The following CRAMP1 variants were observed in gnomAD, a reference collection of about 807,000 sequenced individuals.
CRAMP1 encodes the protein protein cramped-like.
Under a neutral mutation model 115.4 loss-of-function variants are expected in CRAMP1, and 50 were observed. That is an observed-to-expected ratio of 0.43 (90% CI 0.35 to 0.55). The LOEUF (loss-of-function observed/expected upper bound fraction) is 0.55, where lower values mean the gene tolerates loss of function less well. CRAMP1 is among the 20% of genes least tolerant of loss of function. The pLI is 0.01. For missense variants in CRAMP1, 1,679 were observed against 1,721.7 expected, an observed-to-expected ratio of 0.98 and a Z score of 0.44; for synonymous variants, 866 against 745.4, an observed-to-expected ratio of 1.16 and a Z score of -2.64.
At position 1,614,826 on chromosome 16, in the gene CRAMP1, C is replaced by T. The variant is rs1596479595; in HGVS notation, c.187C>T (p.Pro63Ser). ...RAGADGPPAP[P>S]GAPQAPSPPQ... ...CGGCGCCGACGGCCCCCCCGCGCCC[C>T]CCGGCGCGCCGCAGGCGCCGTCCCC... The change falls in exon 2 of 21, where the codon CCC becomes TCC. Residue 63 changes from proline (P) to serine (S), a missense_variant. Coordinates refer to ENST00000397412, the MANE Select transcript of CRAMP1 (RefSeq NM_020825.4). The surrounding 1 kb of genome is among the most constrained non-coding windows in gnomAD (Gnocchi z 4.4). 2 of 1,270,728 alleles carry T rather than the reference C, an allele frequency of 1.6e-6. No homozygotes were observed. The highest frequency in any genetic ancestry group is 2.0e-6 in the Non-Finnish European group (2 of 1,012,528). 78.7% of individuals were successfully genotyped at this position (1,270,728 alleles called of 1,614,324 possible).
chr16:1,669,012 C>G lies in CRAMP1; in HGVS notation c.3346C>G (p.Pro1116Ala), dbSNP rs760671014. The change falls in exon 19 of 21, where the codon CCT (proline) becomes GCT (alanine). Residue 1116 changes from proline (P) to alanine (A), a missense_variant. By Grantham distance (27) the Pro-to-Ala change is conservative. Coordinates refer to ENST00000397412, the MANE Select transcript of CRAMP1 (RefSeq NM_020825.4). The surrounding 1 kb of genome is among the most constrained non-coding windows in gnomAD (Gnocchi z 4.6). ...ATCTTGGTTGGCAGGTGAAGGAGTCCCTCTTTCTCCAGCAAAACTGAATGG... is the reference window on the plus strand; with the variant it reads ...ATCTTGGTTGGCAGGTGAAGGAGTCGCTCTTTCTCCAGCAAAACTGAATGG... ...ISSGQYGEGV[P>A]LSPAKLNGSD... 5.6e-6 allele frequency: 9 copies of G among 1,612,718 alleles called. No homozygotes were observed. The African/African-American group carries it at 1.2e-4, about 22-fold the overall frequency.
intron 1 of CRAMP1, among the ~76,000 whole-genome samples, chr16:1,613,904 G>A (rs547427947): frequency 1.3e-5 from 2 of 152,272 alleles, no homozygotes; most frequent in South Asian, 4.1e-4. Context: ...GATTCCCAGA[G>A]ACCCGGAGCT....
Position 1,672,819 on chromosome 16 carries a change from C to T in CRAMP1, c.3646-1062C>T, listed in dbSNP as rs901830854. ...TGCTCATGGGACAAGATCCCGGTGC[C>T]GAGGCCCTCCCGTCCTCCGTCTCCT... On this transcript the variant is annotated intron_variant, in intron 20 of 20. Coordinates refer to ENST00000397412, the MANE Select transcript of CRAMP1 (RefSeq NM_020825.4). The surrounding 1 kb of genome is among the most constrained non-coding windows in gnomAD (Gnocchi z 4.9). Among the ~76,000 whole-genome samples the T allele has an allele frequency of 2.0e-5, 3 of 152,210 alleles. No homozygotes were observed. Among genetic ancestry groups the T allele is most frequent in the Non-Finnish European group, 4.4e-5 (3 of 68,038 alleles).
At chr16:1,652,371 G>T (rs950451199) in intron 6 of CRAMP1, 125 bp from the exon 7 acceptor site, 7 of 737,026 alleles carry the variant, frequency 9.5e-6, no homozygotes, top group African/African-American at 7.2e-5. Flanking sequence ...ACGCGGGCTC[G>T]AGAGGCTGGG....
intron 16 of CRAMP1, 77 bp from the exon 17 acceptor site, chr16:1,667,258 G>A: frequency 8.2e-7 from 1 of 1,214,288 alleles, no homozygotes; most frequent in Non-Finnish European, 1.2e-6. Context: ...CTCTTTTTCT[G>A]GAACTCTGTC....
chr16:1,619,757 G>A lies in CRAMP1; in HGVS notation c.346+4772G>A, dbSNP rs577968175. On this transcript the variant is annotated intron_variant, in intron 2 of 20. Coordinates refer to ENST00000397412, the MANE Select transcript of CRAMP1 (RefSeq NM_020825.4). ...GGACGCTGAGCCTTGCAGGCACTGA[G>A]GGTGGGAGTCCCGGCAGAGAAGGGG... 3.2e-3 allele frequency among the ~76,000 whole-genome samples: 484 copies of A among 152,312 alleles called. 1 individual carries two copies. The highest frequency in any genetic ancestry group is 0.011 in the African/African-American group (460 of 41,572).
chr16:1,644,598 A>G (rs35634282), intron 6 of CRAMP1, among the ~76,000 whole-genome samples: 3,007 of 152,268 alleles, frequency 0.02, 42 homozygotes, highest in Middle Eastern at 0.034. Context: ...GGAAGCGATC[A>G]GGGGCCACAC....
At chr16:1,615,342 T>G (rs553762542) in intron 2 of CRAMP1, among the ~76,000 whole-genome samples, 2 of 152,330 alleles carry the variant, frequency 1.3e-5, no homozygotes. Context: ...ATACCTGCTG[T>G]ATCTCTTTCC....
At chr16:1,641,791 C>T (rs1256771329) in intron 6 of CRAMP1, among the ~76,000 whole-genome samples, 1 of 152,002 alleles carries the variant, frequency 6.6e-6, no homozygotes, top group African/African-American at 2.4e-5. Context: ...CCTGGGGGTT[C>T]CCTGCTTTAC....
In CRAMP1 at chr16:1,675,668, G is replaced by A. The variant is rs1443033126; in HGVS notation, c.*1623G>A. ...CAGGCAGGCCGTGTACTGCACCACT[G>A]GGAGGACGTGGAGAGGACAGTGAAC... On this transcript the variant is annotated 3_prime_UTR_variant, in exon 21 of 21. Transcript: ENST00000397412. The A allele has an allele frequency of 1.3e-5, 2 of 152,288 alleles. No homozygotes were observed. The highest frequency in any genetic ancestry group is 4.8e-5 in the African/African-American group (2 of 41,472). 9.4% of individuals were successfully genotyped at this position (152,288 alleles called of 1,614,324 possible).
Position 1,626,084 on chromosome 16 carries a change from A to C in CRAMP1, c.458A>C (p.Lys153Thr). The C allele has an allele frequency of 6.4e-7, 1 of 1,551,426 alleles. No homozygotes were observed. Among genetic ancestry groups the C allele is most frequent in the Non-Finnish European group, 8.7e-7 (1 of 1,146,844 alleles). Reference protein sequence around the residue: ...SRNLGSSGGEKEEGKKVRRQW... With the variant: ...SRNLGSSGGETEEGKKVRRQW... ...AACTTAGGGTCTTCTGGTGGCGAGAAGGAAGAAGGCAAAAAGGTCCGGCGG... is the reference window on the plus strand; with the variant it reads ...AACTTAGGGTCTTCTGGTGGCGAGACGGAAGAAGGCAAAAAGGTCCGGCGG... Residue 153 changes from lysine (K) to threonine (T), a missense_variant, in exon 3 of 21, where the codon AAG becomes ACG. Physicochemically the swap from Lys to Thr is moderately conservative, Grantham distance 78. Around this residue, in one of 8 missense-constraint regions of CRAMP1, gnomAD observed 264 missense variants for 229.7 expected, o/e 1.15. Coordinates refer to ENST00000397412, the MANE Select transcript of CRAMP1 (RefSeq NM_020825.4).
At chr16:1,625,921 C>G (rs2036504337) in intron 2 of CRAMP1, 52 bp from the exon 3 acceptor site, 2 of 1,539,176 alleles carry the variant, frequency 1.3e-6, no homozygotes, top group African/African-American at 1.4e-5. Context: ...TCTACCCTGC[C>G]CAGCCCGCCA....
chr16:1,666,068 C>T lies in CRAMP1; in HGVS notation c.2753-5C>T, dbSNP rs771824020. The T allele has an allele frequency of 1.5e-5, 24 of 1,595,934 alleles. No homozygotes were observed. The highest frequency in any genetic ancestry group is 1.6e-4 in the Middle Eastern group (1 of 6,062). On this transcript the variant is annotated splice_polypyrimidine_tract_variant and splice_region_variant and intron_variant, in intron 14 of 20. Coordinates refer to ENST00000397412, the MANE Select transcript of CRAMP1 (RefSeq NM_020825.4). This position sits in a 1 kb window ranked among gnomAD's most constrained non-coding sequence, Gnocchi z 5.0. ...ACATGTCTGCTTTTGCCCTCGCCCTCGCAGGGAGAGGTTCGTTCCGGCCCA... is the reference window on the plus strand; with the variant it reads ...ACATGTCTGCTTTTGCCCTCGCCCTTGCAGGGAGAGGTTCGTTCCGGCCCA...
At chr16:1,673,360 C>T (rs143834163) in intron 20 of CRAMP1, among the ~76,000 whole-genome samples, 6 of 152,116 alleles carry the variant, frequency 3.9e-5, no homozygotes, top group African/African-American at 7.2e-5. Context: ...ACGTGTCCCC[C>T]ACCTGTCCTC....
At chr16:1,662,152 GACTTCTGGTCTCCCCT>G (rs1190590523) in intron 11 of CRAMP1, among the ~76,000 whole-genome samples, 1 of 152,178 alleles carries the variant, frequency 6.6e-6, no homozygotes, top group Non-Finnish European at 1.5e-5. Context: ...AAAGTTGACT[GACTTCTGGTCTCCCCT>G]GGAGACACTG....
chr16:1,649,901 C>A (rs550612837), intron 6 of CRAMP1, among the ~76,000 whole-genome samples: 1 of 146,984 alleles, frequency 6.8e-6, no homozygotes, highest in Admixed American at 7.1e-5. Flanking sequence ...TCGAGTGATT[C>A]TCCTGTCTCA....
rs1428625108 is a variant in CRAMP1, at chr16:1,674,237, G to A, written c.*192G>A. On this transcript the variant is annotated 3_prime_UTR_variant, in exon 21 of 21. Coordinates refer to ENST00000397412, the MANE Select transcript of CRAMP1 (RefSeq NM_020825.4). ...TCCAAGGAGACTAGGATGAGTTCTTGGCAAGGGCCAGCGTTAGAAATCACT... is the reference window on the plus strand; with the variant it reads ...TCCAAGGAGACTAGGATGAGTTCTTAGCAAGGGCCAGCGTTAGAAATCACT... 1.6e-6 allele frequency: 1 copy of A among 608,138 alleles called. No homozygotes were observed. Among genetic ancestry groups the A allele is most frequent in the Non-Finnish European group, 2.9e-6 (1 of 346,836 alleles). 37.7% of individuals were successfully genotyped at this position (608,138 alleles called of 1,614,324 possible). A position where few individuals can be genotyped will look rare whatever the true frequency, so the allele number is the denominator to read the frequency against.
chr16:1,641,848 C>T lies in CRAMP1; in HGVS notation c.827+661C>T, dbSNP rs184055606. On this transcript the variant is annotated intron_variant, in intron 6 of 20. Coordinates refer to ENST00000397412, the MANE Select transcript of CRAMP1 (RefSeq NM_020825.4). ...CCACAGCCTGGGGGGGTTCCCCACT[C>T]CGCAGCCTGGGGGTCTCCACTCCGC... Among the ~76,000 whole-genome samples the T allele has an allele frequency of 1.8e-3, 270 of 151,692 alleles. 2 individuals are homozygous for T. Among genetic ancestry groups the T allele is most frequent in the Non-Finnish European group, 3.4e-3 (232 of 67,842 alleles).
chr16:1,632,179 C>T (rs543999188), intron 3 of CRAMP1, 33 bp from the exon 4 acceptor site: 2 of 1,544,560 alleles, frequency 1.3e-6, no homozygotes, highest in Admixed American at 2.0e-5. Flanking sequence ...TTGTTTTAAC[C>T]CCTCTACATT....
Sources: allele counts gnomAD v4.1 joint callset (sites outside exome capture counted in the v4.1 genomes callset), GRCh38; gene constraint gnomAD v4.1.1; regional missense constraint gnomAD v4.1.1; non-coding constraint Gnocchi (gnomAD v3.1); transcripts MANE v1.5; gene names NCBI Gene and HGNC (gene_info 2026-07-23, HGNC 2026-07-21).